CAMKMT: variants seen among roughly 807,000 people sequenced by gnomAD.
CAMKMT encodes CaM KMT.
Under a neutral mutation model 48.0 loss-of-function variants are expected in CAMKMT, and 53 were observed. The ratio of observed to expected loss-of-function variants is 1.10; its 90% CI spans 0.89 to 1.39. The LOEUF (loss-of-function observed/expected upper bound fraction) is 1.39, where lower values mean the gene tolerates loss of function less well. CAMKMT is among the 40% of genes most tolerant of loss of function. The pLI, the probability that CAMKMT is intolerant of heterozygous loss-of-function variation, is 0.00. For synonymous variants in CAMKMT, 165 were observed against 152.3 expected (o/e 1.08, Z -0.61); for missense variants, 428 against 402.7 (o/e 1.06, Z -0.54).
intron 3 of CAMKMT, among the ~76,000 whole-genome samples, chr2:44,509,950 T>G (rs698835): frequency 6.6e-6 from 1 of 151,636 alleles, no homozygotes; most frequent in African/African-American, 2.4e-5. Flanking sequence ...CCTTTTTTCT[T>G]TGTAAATTAC....
At chr2:44,672,215 T>C (rs1343264704) in intron 3 of CAMKMT, among the ~76,000 whole-genome samples, 1 of 152,196 alleles carries the variant, frequency 6.6e-6, no homozygotes, top group Non-Finnish European at 1.5e-5. Flanking sequence ...AATGGGGAGA[T>C]AGCCGCATGC....
At chr2:44,383,479 A>G (rs184367819) in intron 2 of CAMKMT, among the ~76,000 whole-genome samples, 22 of 151,908 alleles carry the variant, frequency 1.4e-4, no homozygotes, top group African/African-American at 4.8e-4. Flanking sequence ...TTTAATTTGT[A>G]ATTTCAATTT....
intron 3 of CAMKMT, among the ~76,000 whole-genome samples, chr2:44,473,916 C>T (rs1385886433): frequency 6.6e-6 from 1 of 152,108 alleles, no homozygotes; most frequent in Non-Finnish European, 1.5e-5. Flanking sequence ...AAACTGGGAC[C>T]AGTTGTTCTA....
chr2:44,617,875 G>A (rs1449659681), intron 3 of CAMKMT, among the ~76,000 whole-genome samples: 2 of 152,164 alleles, frequency 1.3e-5, no homozygotes, highest in Non-Finnish European at 2.9e-5. Context: ...TGCTTTGTCT[G>A]TTCGCAGGCA....
intron 3 of CAMKMT, chr2:44,549,459 T>C: frequency 6.0e-6 from 4 of 666,604 alleles, no homozygotes; most frequent in Non-Finnish European, 1.1e-5. Flanking sequence ...CAGTTTTTCC[T>C]GTCCAGTCAC....
intron 3 of CAMKMT, among the ~76,000 whole-genome samples, chr2:44,511,914 C>T (rs181726000): frequency 7.0e-4 from 106 of 152,330 alleles, no homozygotes; most frequent in African/African-American, 2.1e-3. Context: ...CACCCCCCAT[C>T]TTCTAATAGT....
intron 7 of CAMKMT, among the ~76,000 whole-genome samples, chr2:44,716,119 T>C (rs1678163403): frequency 7.2e-5 from 11 of 152,212 alleles, no homozygotes; most frequent in Admixed American, 4.6e-4. Context: ...TTTTTTGTCA[T>C]TCATTTAACC....
chr2:44,571,941 C>T (rs1032100036), intron 3 of CAMKMT, among the ~76,000 whole-genome samples: 2 of 152,212 alleles, frequency 1.3e-5, no homozygotes, highest in Non-Finnish European at 2.9e-5. Context: ...CATTTGTGAA[C>T]TACCTTCATG....
chr2:44,450,494 T>A (rs1667234698), intron 3 of CAMKMT, among the ~76,000 whole-genome samples: 1 of 152,120 alleles, frequency 6.6e-6, no homozygotes, highest in South Asian at 2.1e-4. Context: ...TTAAAAGGGG[T>A]TATGAAGCAT....
At chr2:44,418,369 T>G (rs1683711920) in intron 3 of CAMKMT, among the ~76,000 whole-genome samples, 3 of 152,072 alleles carry the variant, frequency 2.0e-5, no homozygotes, top group Admixed American at 2.0e-4. Flanking sequence ...ATATTTTTAG[T>G]CTATGGTCCA....
chr2:44,737,706 A>G (rs1285979084), intron 7 of CAMKMT, among the ~76,000 whole-genome samples: 1 of 152,048 alleles, frequency 6.6e-6, no homozygotes, highest in South Asian at 2.1e-4. Flanking sequence ...TCCACAGAAT[A>G]TTCTAGGGGG....
At chr2:44,638,913 C>T (rs1403907410) in intron 3 of CAMKMT, among the ~76,000 whole-genome samples, 1 of 152,208 alleles carries the variant, frequency 6.6e-6, no homozygotes, top group Non-Finnish European at 1.5e-5. Flanking sequence ...TTTGTAGCCA[C>T]TGGCAAGACT....
Position 44,591,501 on chromosome 2 carries a change from A to C in CAMKMT, c.377-112782A>C, listed in dbSNP as rs1336671465. On this transcript the variant is annotated intron_variant, in intron 3 of 10. Transcript: ENST00000378494. ...TGTAAGTTGGATTCCTAGGTATTTT[A>C]TTCTCTTTGAAGCAATTGTGAATGG... Among the ~76,000 whole-genome samples the C allele has an allele frequency of 3.3e-5, 5 of 152,112 alleles. No homozygotes were observed. The South Asian group carries it at 6.2e-4, about 19-fold the overall frequency.
At chr2:44,566,632 G>A (rs1053888584) in intron 3 of CAMKMT, among the ~76,000 whole-genome samples, 1 of 151,854 alleles carries the variant, frequency 6.6e-6, no homozygotes, top group African/African-American at 2.4e-5. Context: ...AAATGATGTT[G>A]ACATCATTTA....
intron 3 of CAMKMT, among the ~76,000 whole-genome samples, chr2:44,528,791 C>A (rs1189372259): frequency 6.6e-6 from 1 of 152,126 alleles, no homozygotes; most frequent in Non-Finnish European, 1.5e-5. Context: ...TATTGCATCT[C>A]TGTGGTATTT....
intron 3 of CAMKMT, among the ~76,000 whole-genome samples, chr2:44,648,489 C>G (rs1673877424): frequency 6.6e-6 from 1 of 152,130 alleles, no homozygotes; most frequent in Non-Finnish European, 1.5e-5. Context: ...ATTTGAAGGG[C>G]CGTCATTGGA....
At chr2:44,654,414 CTT>C (rs1251052593) in intron 3 of CAMKMT, among the ~76,000 whole-genome samples, 2 of 152,132 alleles carry the variant, frequency 1.3e-5, no homozygotes, top group African/African-American at 4.8e-5. Flanking sequence ...AAAAACTACT[CTT>C]AATCCTAGAA....
rs534252594 is a variant in CAMKMT at position 44,525,626 on chromosome 2, G to C, written c.376+135321G>C. On this transcript the variant is annotated intron_variant, in intron 3 of 10. Transcript: ENST00000378494. ...AAATTTTAATTGTTTCTAGTTTTTTGAGTATAAGCTGGTTTATACCATCGT... is the reference window on the plus strand; with the variant it reads ...AAATTTTAATTGTTTCTAGTTTTTTCAGTATAAGCTGGTTTATACCATCGT... 2.0e-5 allele frequency among the ~76,000 whole-genome samples: 3 copies of C among 152,098 alleles called. No homozygotes were observed. The South Asian group carries it at 6.2e-4, about 32-fold the overall frequency.
intron 3 of CAMKMT, among the ~76,000 whole-genome samples, chr2:44,582,402 C>T (rs974788470): frequency 3.9e-5 from 6 of 152,170 alleles, no homozygotes; most frequent in East Asian, 3.9e-4. Flanking sequence ...ATAGATGAAG[C>T]GATACTTAAA....
Sources: allele counts gnomAD v4.1 joint callset (sites outside exome capture counted in the v4.1 genomes callset), GRCh38; gene constraint gnomAD v4.1.1; transcripts MANE v1.5; gene names NCBI Gene and HGNC (gene_info 2026-07-23, HGNC 2026-07-21).